Variants in TRPM8 observed in about 807,000 individuals in gnomAD.
The protein encoded by TRPM8 is TRPM8 cationic channel.
In TRPM8, 110 loss-of-function variants were observed where a neutral mutation model predicts 133.7. The ratio of observed to expected loss-of-function variants is 0.82; its 90% CI spans 0.70 to 0.96. TRPM8 has a LOEUF of 0.96. Among genes scored for constraint, TRPM8 ranks in the 40% least tolerant of loss-of-function variants. The pLI is 0.00. For missense variants in TRPM8, 1,291 were observed against 1,379.5 expected (o/e 0.94, Z 1.02); for synonymous variants, 535 against 532.3 (o/e 1.01, Z -0.07).
At chr2:233,929,287 G>A (rs1040488912) in intron 2 of TRPM8, among the ~76,000 whole-genome samples, 4 of 152,168 alleles carry the variant, frequency 2.6e-5, no homozygotes, top group Admixed American at 6.5e-5. Flanking sequence ...TAAGACATAC[G>A]ACCTATGGGG....
chr2:233,994,755 A>T (rs1423482712), intron 21 of TRPM8, among the ~76,000 whole-genome samples: 1 of 152,170 alleles, frequency 6.6e-6, no homozygotes, highest in East Asian at 1.9e-4. Context: ...GAGGTCTCGT[A>T]ACATATGTAA....
intron 12 of TRPM8, among the ~76,000 whole-genome samples, chr2:233,962,674 C>G (rs1408989196): frequency 6.6e-6 from 1 of 152,186 alleles, no homozygotes; most frequent in African/African-American, 2.4e-5. Flanking sequence ...TGTGAAATTT[C>G]TCTGCAATAT....
chr2:233,968,595 C>A (rs927540784), intron 15 of TRPM8, among the ~76,000 whole-genome samples: 1 of 152,092 alleles, frequency 6.6e-6, no homozygotes, highest in African/African-American at 2.4e-5. Flanking sequence ...CCATCCTCCT[C>A]CAAGGGCAGG....
In TRPM8 at chr2:233,996,501, G is replaced by A. The variant is rs757437956; in HGVS notation, c.3115G>A (p.Glu1039Lys). ...GTGTTGCTGCAAGGAGAAAAACATG[G>A]AGTCTTCTGTCTGCTGTGAGTGGTT... ...FKCCCKEKNM[E>K]SSVCCFKNED... Residue 1039 changes from glutamate (E) to lysine (K), a missense_variant, in exon 22 of 26, where the codon GAG becomes AAG. This residue lies in a region of TRPM8 where 328 missense variants were observed against 410.6 expected (regional missense o/e 0.80). Coordinates refer to ENST00000324695, the MANE Select transcript of TRPM8 (RefSeq NM_024080.5). 1 of 1,614,182 alleles carries A rather than the reference G, an allele frequency of 6.2e-7. No homozygotes were observed. Among genetic ancestry groups the A allele is most frequent in the East Asian group, 2.2e-5 (1 of 44,880 alleles).
At chr2:234,012,601 T>C (rs1294007207) in intron 24 of TRPM8, among the ~76,000 whole-genome samples, 1 of 152,158 alleles carries the variant, frequency 6.6e-6, no homozygotes, top group East Asian at 1.9e-4. Flanking sequence ...TTCTTTTCTT[T>C]TTTTCTTGTC....
chr2:233,928,472 GT>G (rs780243507), intron 2 of TRPM8, among the ~76,000 whole-genome samples: 59 of 152,246 alleles, frequency 3.9e-4, no homozygotes, highest in East Asian at 1.9e-3. Context: ...TTTTCAGAGG[GT>G]TTTTTAAGCA....
At chr2:233,981,717 A>G in intron 18 of TRPM8, 57 bp from the exon 19 acceptor site, 1 of 1,536,362 alleles carries the variant, frequency 6.5e-7, no homozygotes, top group Non-Finnish European at 8.8e-7. Flanking sequence ...TTTAGAAACA[A>G]AACTTTGGAA....
chr2:233,928,288 G>C (rs1574691827), intron 2 of TRPM8, among the ~76,000 whole-genome samples: 2 of 152,050 alleles, frequency 1.3e-5, no homozygotes, highest in Non-Finnish European at 2.9e-5. Context: ...TCTTTCTTGA[G>C]CCTGCCACTG....
intron 2 of TRPM8, among the ~76,000 whole-genome samples, chr2:233,928,669 T>C (rs1047436927): frequency 6.6e-6 from 1 of 152,178 alleles, no homozygotes; most frequent in Non-Finnish European, 1.5e-5. Flanking sequence ...TATTTTTGCT[T>C]TCAAAATGTT....
Position 233,936,503 on chromosome 2 carries a change from C to A in TRPM8, c.192-850C>A, listed in dbSNP as rs73120736. 5.7e-3 allele frequency among the ~76,000 whole-genome samples: 869 copies of A among 152,340 alleles called. 14 individuals are homozygous for A. The highest frequency in any genetic ancestry group is 0.02 in the African/African-American group (837 of 41,572). On this transcript the variant is annotated intron_variant, in intron 3 of 25. Transcript: ENST00000324695. ...CCCAAATTATTGGAAGTCTCTCTAG[C>A]AGCTAATGTCCAATAAGGAAAGGAT...
At chr2:233,939,756 C>T (rs187186064) in intron 5 of TRPM8, among the ~76,000 whole-genome samples, 14 of 152,308 alleles carry the variant, frequency 9.2e-5, no homozygotes, top group African/African-American at 3.1e-4. Context: ...GTTAACATTT[C>T]CCCACGTTTG....
At chr2:233,967,803 G>A (rs538598468) in intron 15 of TRPM8, among the ~76,000 whole-genome samples, 136 of 152,150 alleles carry the variant, frequency 8.9e-4, no homozygotes, top group Non-Finnish European at 1.8e-3. Context: ...GTCGGGGTGT[G>A]CCTGGGAGGC....
chr2:233,936,778 C>T (rs1011703485), intron 3 of TRPM8, among the ~76,000 whole-genome samples: 1 of 152,058 alleles, frequency 6.6e-6, no homozygotes, highest in African/African-American at 2.4e-5. Flanking sequence ...GACAGAAGAT[C>T]GATTCCATGA....
chr2:233,937,404 C>G lies in TRPM8; in HGVS notation c.243C>G (p.Thr81=). 6.2e-7 allele frequency: 1 copy of G among 1,614,102 alleles called. No homozygotes were observed. Among genetic ancestry groups the G allele is most frequent in the Non-Finnish European group, 8.5e-7 (1 of 1,180,026 alleles). Residue 81 remains threonine, a synonymous_variant, in exon 4 of 26, where the codon ACC becomes ACG. Coordinates refer to ENST00000324695, the MANE Select transcript of TRPM8 (RefSeq NM_024080.5). The part of the protein sequence containing the change: ...GYAQSQHMEG[T]QINQSEKWNY... ...CCCAGAGCCAGCACATGGAAGGCAC[C>G]CAGATCAACCAAAGTGAGAAATGGA...
chr2:234,008,310 T>C (rs1022812437), intron 24 of TRPM8, among the ~76,000 whole-genome samples: 4 of 152,220 alleles, frequency 2.6e-5, no homozygotes, highest in Non-Finnish European at 5.9e-5. Context: ...ACTTCCATGA[T>C]GTCCAAAATC....
chr2:233,939,619 G>A (rs1203179605), intron 5 of TRPM8, among the ~76,000 whole-genome samples: 1 of 152,132 alleles, frequency 6.6e-6, no homozygotes, highest in East Asian at 1.9e-4. Flanking sequence ...AAGCAACTAA[G>A]CCTTTGTTAC....
rs1330876029 is a variant in TRPM8 at position 234,009,123 on chromosome 2, CG to C, written c.3264+1024del. Reference sequence around the variant, plus strand: ...TTTTATTCCCATGCAAGGGAAGGCTCGGGGAGTTTTAAAACCCAAGAGGGAC... The same window carrying C: ...TTTTATTCCCATGCAAGGGAAGGCTCGGGAGTTTTAAAACCCAAGAGGGAC... On this transcript the variant is annotated intron_variant, in intron 24 of 25. Transcript: ENST00000324695. Among the ~76,000 whole-genome samples, 9 of 152,188 alleles carry C rather than the reference CG, an allele frequency of 5.9e-5. No individual in the cohort carries two copies. In the South Asian group the frequency reaches 1.9e-3, roughly 32 times the overall value.
chr2:233,970,389 C>G lies in TRPM8; in HGVS notation c.2318C>G (p.Ser773Trp). The change falls in exon 17 of 26, where the codon TCG becomes TGG. Residue 773 changes from serine to tryptophan, a missense_variant. By Grantham distance (177) the Ser-to-Trp change is radical. Around this residue, in one of 2 missense-constraint regions of TRPM8, gnomAD observed 963 missense variants for 968.9 expected, o/e 0.99. Coordinates refer to ENST00000324695, the MANE Select transcript of TRPM8 (RefSeq NM_024080.5). ...CACCCCCCCGAGCTGGTCCTGTACT[C>G]GCTGGTCTTTGTCCTCTTCTGTGAT... Reference protein sequence around the residue: ...VPHPPELVLYSLVFVLFCDEV... With the variant: ...VPHPPELVLYWLVFVLFCDEV... 1 of 1,614,068 alleles carries G rather than the reference C, an allele frequency of 6.2e-7. No homozygotes were observed. The highest frequency in any genetic ancestry group is 8.5e-7 in the Non-Finnish European group (1 of 1,180,012).
intron 21 of TRPM8, 73 bp downstream of exon 21, chr2:233,985,938 G>A (rs780857105): frequency 6.4e-6 from 9 of 1,415,106 alleles, no homozygotes; most frequent in Non-Finnish European, 8.7e-6. Context: ...GGTGCTGGGA[G>A]CATCGCAAAG....
Sources: allele counts gnomAD v4.1 joint callset (sites outside exome capture counted in the v4.1 genomes callset), GRCh38; gene constraint gnomAD v4.1.1; regional missense constraint gnomAD v4.1.1; transcripts MANE v1.5; gene names NCBI Gene and HGNC (gene_info 2026-07-23, HGNC 2026-07-21).